PTPRG: variants seen among roughly 807,000 people sequenced by gnomAD.
The protein encoded by PTPRG is protein tyrosine phosphatase receptor type G.
In PTPRG, 102 loss-of-function variants were observed where a neutral mutation model predicts 165.3. The observed-to-expected ratio is 0.62, with a 90% confidence interval of 0.53 to 0.73. The LOEUF is 0.73. Among genes scored for constraint, PTPRG ranks in the 30% least tolerant of loss-of-function variants. PTPRG has a pLI of 0.00. For missense variants in PTPRG, 1,866 were observed against 1,861.4 expected (o/e 1.00, Z -0.05); for synonymous variants, 675 against 669.5 (o/e 1.01, Z -0.13).
chr3:61,811,500 A>C (rs1405933856), intron 2 of PTPRG, among the ~76,000 whole-genome samples: 1 of 152,240 alleles, frequency 6.6e-6, no homozygotes, highest in East Asian at 1.9e-4. Flanking sequence ...GAAAACCAAC[A>C]AGAGCCAGAA....
At chr3:61,757,416 G>T (rs546182778) in intron 2 of PTPRG, among the ~76,000 whole-genome samples, 2 of 151,994 alleles carry the variant, frequency 1.3e-5, no homozygotes, top group African/African-American at 4.8e-5. Flanking sequence ...TAACAATTTT[G>T]AGGGGGAGAA....
intron 16 of PTPRG, among the ~76,000 whole-genome samples, chr3:62,260,061 G>A (rs1051330315): frequency 4.6e-5 from 7 of 152,176 alleles, no homozygotes; most frequent in Non-Finnish European, 7.3e-5. Flanking sequence ...GAGAGTAGGG[G>A]CTGGAAGATG....
intron 2 of PTPRG, among the ~76,000 whole-genome samples, chr3:61,920,356 G>A (rs944482014): frequency 6.6e-6 from 1 of 152,188 alleles, no homozygotes; most frequent in African/African-American, 2.4e-5. Flanking sequence ...TGTTCGGATA[G>A]TTGTAGTTCT....
intron 13 of PTPRG, among the ~76,000 whole-genome samples, chr3:62,225,507 T>C (rs928528821): frequency 6.6e-6 from 1 of 151,780 alleles, no homozygotes; most frequent in Non-Finnish European, 1.5e-5. Context: ...TACAAAGATA[T>C]TTTTAGTTTT....
At chr3:61,857,592 C>T (rs2107388724) in intron 2 of PTPRG, among the ~76,000 whole-genome samples, 1 of 152,270 alleles carries the variant, frequency 6.6e-6, no homozygotes, top group East Asian at 1.9e-4. Flanking sequence ...AAAAGGTCAG[C>T]CTGGGGACCA....
intron 1 of PTPRG, among the ~76,000 whole-genome samples, chr3:61,670,370 A>AGG (rs1296184743): frequency 5.3e-5 from 8 of 152,200 alleles, no homozygotes; most frequent in African/African-American, 1.9e-4. Flanking sequence ...GGAGTCTTAA[A>AGG]GATGTCACTG....
chr3:62,281,631 C>T lies in PTPRG; in HGVS notation c.3834C>T (p.Thr1278=). 1 of 1,589,264 alleles carries T rather than the reference C, an allele frequency of 6.3e-7. No individual in the cohort carries two copies. ...TGAACTGTGAGGCCTTTACCGTCAC[C>T]CTTATCAGCAAAGACAGACTGTGCC... The part of the protein sequence containing the change: ...ESMNCEAFTV[T]LISKDRLCLS... The change falls in exon 27 of 30, where the codon ACC becomes ACT. Residue 1278 remains threonine, a synonymous_variant. Transcript: ENST00000474889.
At chr3:61,695,386 C>A (rs1254217337) in intron 1 of PTPRG, among the ~76,000 whole-genome samples, 2 of 152,136 alleles carry the variant, frequency 1.3e-5, no homozygotes, top group African/African-American at 4.8e-5. Flanking sequence ...GCTTGAGGCT[C>A]CTGATGTCTT....
intron 1 of PTPRG, among the ~76,000 whole-genome samples, chr3:61,654,192 A>G (rs1702445946): frequency 6.6e-6 from 1 of 152,172 alleles, no homozygotes; most frequent in African/African-American, 2.4e-5. Context: ...GTCATTCAAG[A>G]GAATGGGGCT....
intron 17 of PTPRG, among the ~76,000 whole-genome samples, chr3:62,264,462 C>T (rs1167748992): frequency 2.6e-5 from 4 of 152,124 alleles, no homozygotes; most frequent in African/African-American, 9.7e-5. Context: ...CTCCTTCTCT[C>T]CAGCACTTAG....
chr3:62,267,568 T>C, intron 18 of PTPRG, 76 bp downstream of exon 18: 4 of 1,529,798 alleles, frequency 2.6e-6, no homozygotes, highest in Non-Finnish European at 3.6e-6. Flanking sequence ...TATATTTTAA[T>C]ACTGTACAGA....
At position 62,078,214 on chromosome 3, in the gene PTPRG, A is replaced by G. The variant is rs373688958; in HGVS notation, c.571A>G (p.Ile191Val). Residue 191 changes from isoleucine to valine, a missense_variant, in exon 5 of 30, where the codon ATT (isoleucine) becomes GTT (valine). Physicochemically the swap from Ile to Val is conservative, Grantham distance 29 (BLOSUM62 3). Transcript: ENST00000474889. The part of the protein sequence containing the change: ...PDDFDSFQTA[I>V]SENRIIGAMA... ...TGACTTTGACAGCTTTCAAACCGCAATTTCTGAGAACAGAATAATCGGAGC... is the reference window on the plus strand; with the variant it reads ...TGACTTTGACAGCTTTCAAACCGCAGTTTCTGAGAACAGAATAATCGGAGC... The G allele has an allele frequency of 1.8e-4, 285 of 1,610,796 alleles. No individual in the cohort carries two copies. The highest frequency in any genetic ancestry group is 2.2e-4 in the Non-Finnish European group (258 of 1,178,374).
At chr3:61,960,392 T>A (rs952052546) in intron 2 of PTPRG, among the ~76,000 whole-genome samples, 1 of 152,092 alleles carries the variant, frequency 6.6e-6, no homozygotes, top group Non-Finnish European at 1.5e-5. Flanking sequence ...ATTCCCTGTT[T>A]GTGTAGTCAG....
intron 2 of PTPRG, among the ~76,000 whole-genome samples, chr3:61,887,827 A>C (rs1206101257): frequency 6.6e-6 from 1 of 152,216 alleles, no homozygotes; most frequent in Admixed American, 6.5e-5. Context: ...AAAAATTAAT[A>C]CACCACTCAT....
At chr3:62,108,466 C>T (rs1559515367) in intron 5 of PTPRG, among the ~76,000 whole-genome samples, 1 of 152,116 alleles carries the variant, frequency 6.6e-6, no homozygotes, top group Non-Finnish European at 1.5e-5. Context: ...TGGGTTGGTT[C>T]CAAGTCTTTG....
intron 2 of PTPRG, among the ~76,000 whole-genome samples, chr3:61,939,832 T>C (rs2039569511): frequency 6.6e-6 from 1 of 151,508 alleles, no homozygotes; most frequent in African/African-American, 2.4e-5. Context: ...TCCACCCATG[T>C]TTGATGGAGA....
chr3:61,663,552 CG>C (rs1559546276), intron 1 of PTPRG, among the ~76,000 whole-genome samples: 1 of 151,870 alleles, frequency 6.6e-6, no homozygotes, highest in Non-Finnish European at 1.5e-5. Context: ...TTCCATGGAC[CG>C]GGGGTTGGGG....
At position 62,233,494 on chromosome 3, in the gene PTPRG, C is replaced by G. The variant is rs1353961954; in HGVS notation, c.2375+2183C>G. On this transcript the variant is annotated intron_variant, in intron 14 of 29. Coordinates refer to ENST00000474889, the MANE Select transcript of PTPRG (RefSeq NM_002841.4). The surrounding 1 kb of genome is among the most constrained non-coding windows in gnomAD (Gnocchi z 4.7). ...CTTCTGCAGGAGGCTGGAATGCAAG[C>G]CCTTCAACCAGGCTCTCTCTCACCT... 6.6e-6 allele frequency among the ~76,000 whole-genome samples: 1 copy of G among 152,162 alleles called. No homozygotes were observed. Among genetic ancestry groups the G allele is most frequent in the African/African-American group, 2.4e-5 (1 of 41,434 alleles).
intron 5 of PTPRG, among the ~76,000 whole-genome samples, chr3:62,096,727 A>G (rs1702132897): frequency 6.6e-6 from 1 of 152,240 alleles, no homozygotes; most frequent in Non-Finnish European, 1.5e-5. Context: ...GACAGTCAGC[A>G]TTTATATAGT....
Sources: gnomAD v4.1 joint callset for allele counts (sites outside exome capture counted in the v4.1 genomes callset) on GRCh38, gnomAD v4.1.1 for gene constraint, Gnocchi (gnomAD v3.1) non-coding constraint, MANE v1.5 for transcripts, NCBI Gene and HGNC (gene_info 2026-07-23, HGNC 2026-07-21) for gene names.